Variants in GRM5 observed in about 807,000 individuals in gnomAD.
GRM5 encodes glutamate metabotropic receptor 5.
GRM5 carries 19 observed loss-of-function variants against 83.1 expected under a neutral mutation model. The observed-to-expected ratio is 0.23, with a 90% confidence interval of 0.16 to 0.34. The LOEUF (loss-of-function observed/expected upper bound fraction) is 0.34, where lower values mean the gene tolerates loss of function less well. Among genes scored for constraint, GRM5 ranks in the 10% least tolerant of loss-of-function variants. The probability of loss-of-function intolerance (pLI) is 1.00; values close to 1 mark genes in which losing one functional copy is unlikely to be tolerated. For synonymous variants in GRM5, 675 were observed against 633.6 expected (o/e 1.07, Z -0.98); for missense variants, 1,160 against 1,588.3 (o/e 0.73, Z 4.58).
chr11:88,915,542 A>G (rs1398236804), intron 2 of GRM5, among the ~76,000 whole-genome samples: 1 of 150,926 alleles, frequency 6.6e-6, no homozygotes, highest in Non-Finnish European at 1.5e-5. Flanking sequence ...ACTAAATTCA[A>G]TTTTCTTGCA....
intron 3 of GRM5, among the ~76,000 whole-genome samples, chr11:88,799,551 G>A (rs1025260416): frequency 2.0e-5 from 3 of 151,992 alleles, no homozygotes; most frequent in Non-Finnish European, 4.4e-5. Flanking sequence ...TGGATAAGTA[G>A]ACAATGAAAT....
chr11:88,906,036 C>T (rs2135600636), intron 2 of GRM5, among the ~76,000 whole-genome samples: 1 of 152,190 alleles, frequency 6.6e-6, no homozygotes, highest in Middle Eastern at 3.4e-3. Context: ...TTTAAGTACC[C>T]TTAAATTTAC....
chr11:88,675,933 A>G (rs1940316277), intron 3 of GRM5, among the ~76,000 whole-genome samples: 1 of 152,046 alleles, frequency 6.6e-6, no homozygotes, highest in Non-Finnish European at 1.5e-5. Context: ...GAGTCTAAGC[A>G]TTCTCACACG....
At chr11:88,863,311 G>C (rs1944600776) in intron 2 of GRM5, among the ~76,000 whole-genome samples, 1 of 151,914 alleles carries the variant, frequency 6.6e-6, no homozygotes, top group South Asian at 2.1e-4. Flanking sequence ...ACAAGCATGT[G>C]TATGTTCATT....
intron 3 of GRM5, among the ~76,000 whole-genome samples, chr11:88,773,568 G>A (rs1942784772): frequency 6.6e-6 from 1 of 151,990 alleles, no homozygotes; most frequent in Non-Finnish European, 1.5e-5. Flanking sequence ...TTTCTTCTAG[G>A]GTTTTTATGG....
At chr11:88,838,268 G>A (rs1406212011) in intron 3 of GRM5, among the ~76,000 whole-genome samples, 1 of 152,072 alleles carries the variant, frequency 6.6e-6, no homozygotes, top group Non-Finnish European at 1.5e-5. Flanking sequence ...GGAGAGAAAA[G>A]CATGGAAAGA....
chr11:89,020,545 C>A (rs1940958734), intron 2 of GRM5, among the ~76,000 whole-genome samples: 1 of 152,076 alleles, frequency 6.6e-6, no homozygotes, highest in Admixed American at 6.6e-5. Flanking sequence ...TAAAAACAAG[C>A]CAAATTATGG....
At chr11:88,542,649 T>C (rs1158741137) in intron 8 of GRM5, among the ~76,000 whole-genome samples, 1 of 152,188 alleles carries the variant, frequency 6.6e-6, no homozygotes, top group African/African-American at 2.4e-5. Context: ...TAGTACTTGG[T>C]TTTCTACTTG....
At chr11:88,838,084 C>CAAAAAAAAAAAAAAAAAAAAAAAAA (rs1157680177) in intron 3 of GRM5, among the ~76,000 whole-genome samples, 3 of 55,452 alleles carry the variant, frequency 5.4e-5, no homozygotes, top group Admixed American at 2.9e-4. Context: ...GACTCCATCT[C>CAAAAAAAAAAAAAAAAAAAAAAAAA]AAAAAAAAAA....
intron 2 of GRM5, among the ~76,000 whole-genome samples, chr11:88,897,684 A>G (rs1945251259): frequency 6.6e-6 from 1 of 151,888 alleles, no homozygotes; most frequent in Admixed American, 6.6e-5. Flanking sequence ...AATGCATAGG[A>G]AAGACCACCT....
chr11:89,029,245 T>C (rs1426501593), intron 2 of GRM5, among the ~76,000 whole-genome samples: 1 of 152,192 alleles, frequency 6.6e-6, no homozygotes, highest in Non-Finnish European at 1.5e-5. Flanking sequence ...AACATGTTAA[T>C]GAGAAAAGGA....
At chr11:89,029,082 T>C (rs1283704970) in intron 2 of GRM5, among the ~76,000 whole-genome samples, 3 of 152,342 alleles carry the variant, frequency 2.0e-5, no homozygotes, top group African/African-American at 7.2e-5. Context: ...GTTTCCAGCA[T>C]CATCCATGTC....
chr11:88,883,748 C>T (rs1944997790), intron 2 of GRM5, among the ~76,000 whole-genome samples: 1 of 152,100 alleles, frequency 6.6e-6, no homozygotes, highest in Non-Finnish European at 1.5e-5. Context: ...TGGGCAGACC[C>T]CAGGGCCCAC....
In GRM5 at chr11:88,958,132, G is replaced by T. The variant is rs1938678182; in HGVS notation, c.661+89080C>A. Among the ~76,000 whole-genome samples the T allele has an allele frequency of 2.6e-5, 4 of 151,818 alleles. No homozygotes were observed. In the South Asian group the frequency reaches 8.3e-4, roughly 32 times the overall value. ...ACCTATGCCCTCCAGCCACCAGAAA[G>T]AAGCCTTCAGGAGTCCCTACAGCAC... On this transcript the variant is annotated intron_variant, in intron 2 of 9. Transcript: ENST00000305447.
At chr11:88,795,442 A>G (rs1257919838) in intron 3 of GRM5, among the ~76,000 whole-genome samples, 1 of 152,210 alleles carries the variant, frequency 6.6e-6, no homozygotes, top group Non-Finnish European at 1.5e-5. Flanking sequence ...TTGACCATGA[A>G]CAAAGATACT....
intron 3 of GRM5, among the ~76,000 whole-genome samples, chr11:88,804,452 C>T (rs1156374734): frequency 3.3e-5 from 5 of 150,676 alleles, no homozygotes; most frequent in African/African-American, 7.4e-5. Context: ...AACCAAACAC[C>T]GCATATTCTC....
chr11:88,678,477 A>T (rs956057641), intron 3 of GRM5, among the ~76,000 whole-genome samples: 1 of 151,948 alleles, frequency 6.6e-6, no homozygotes, highest in Non-Finnish European at 1.5e-5. Flanking sequence ...CTCATTTTCA[A>T]CCTTTCAACA....
In GRM5 at chr11:88,567,858, C is replaced by T; in HGVS notation, c.1825G>A (p.Val609Ile). The change falls in exon 8 of 10, where the codon GTA becomes ATA. Residue 609 changes from valine to isoleucine, a missense_variant. Val to Ile is a conservative substitution (Grantham distance 29, BLOSUM62 3). This residue lies in a region of GRM5 where 132 missense variants were observed against 245.5 expected (regional missense o/e 0.54). Transcript: ENST00000305447. This position sits in a 1 kb window ranked among gnomAD's most constrained non-coding sequence, Gnocchi z 7.3. ...AGTTCCCTGCTTGAGGACTTGACTACTGGTGTATCACGGTAAATGATGAAG... is the reference window on the plus strand; with the variant it reads ...AGTTCCCTGCTTGAGGACTTGACTATTGGTGTATCACGGTAAATGATGAAG... ...VVFIIYRDTPVVKSSSRELCY... is the reference protein window; with the variant it reads ...VVFIIYRDTPIVKSSSRELCY... The T allele has an allele frequency of 6.2e-7, 1 of 1,613,908 alleles. No individual in the cohort carries two copies. The highest frequency in any genetic ancestry group is 1.7e-4 in the Middle Eastern group (1 of 6,058).
chr11:88,923,867 T>G (rs1945737041), intron 2 of GRM5, among the ~76,000 whole-genome samples: 1 of 151,398 alleles, frequency 6.6e-6, no homozygotes, highest in African/African-American at 2.4e-5. Context: ...TATTCGTATT[T>G]ATGTGAGTAT....
Sources: gnomAD v4.1 joint callset for allele counts (sites outside exome capture counted in the v4.1 genomes callset) on GRCh38, gnomAD v4.1.1 for gene constraint, gnomAD v4.1.1 regional missense constraint, Gnocchi (gnomAD v3.1) non-coding constraint, MANE v1.5 for transcripts, NCBI Gene and HGNC (gene_info 2026-07-23, HGNC 2026-07-21) for gene names.